HDAC9: variants seen among roughly 807,000 people sequenced by gnomAD.
The protein encoded by HDAC9 is histone deacetylase 9.
Under a neutral mutation model 139.4 loss-of-function variants are expected in HDAC9, and 41 were observed. The ratio of observed to expected loss-of-function variants is 0.29; its 90% CI spans 0.23 to 0.38. HDAC9 has a LOEUF of 0.38. HDAC9 is among the 10% of genes least tolerant of loss of function. HDAC9 has a pLI of 1.00. For synonymous variants in HDAC9, 517 were observed against 476.2 expected, an observed-to-expected ratio of 1.09 and a Z score of -1.12; for missense variants, 1,147 against 1,297.0, an observed-to-expected ratio of 0.88 and a Z score of 1.78.
intron 12 of HDAC9, among the ~76,000 whole-genome samples, chr7:18,672,484 T>A (rs1795728277): frequency 6.6e-6 from 1 of 152,028 alleles, no homozygotes; most frequent in African/African-American, 2.4e-5. Flanking sequence ...GTTGCAAATA[T>A]TTTCTCCTAT....
At chr7:18,592,305 C>G (rs1432274022) in intron 5 of HDAC9, among the ~76,000 whole-genome samples, 2 of 152,030 alleles carry the variant, frequency 1.3e-5, no homozygotes, top group African/African-American at 4.8e-5. Flanking sequence ...CACAACCTGA[C>G]AACATAATAC....
chr7:18,366,281 G>C (rs2081968896), intron 1 of HDAC9, among the ~76,000 whole-genome samples: 1 of 152,126 alleles, frequency 6.6e-6, no homozygotes, highest in Non-Finnish European at 1.5e-5. Context: ...TGGAGGTTCT[G>C]TCACAAACAG....
chr7:18,165,014 A>G (rs924522347), intron 2 of HDAC9, among the ~76,000 whole-genome samples: 5 of 152,214 alleles, frequency 3.3e-5, no homozygotes, highest in African/African-American at 1.2e-4. Context: ...CTTTCATGGG[A>G]GAGACAAATA....
intron 2 of HDAC9, among the ~76,000 whole-genome samples, chr7:18,284,652 T>C (rs1797320504): frequency 6.6e-6 from 1 of 152,172 alleles, no homozygotes; most frequent in Non-Finnish European, 1.5e-5. Flanking sequence ...TATCTAATCT[T>C]TGGGTAAATT....
intron 1 of HDAC9, among the ~76,000 whole-genome samples, chr7:18,299,303 T>C (rs533748392): frequency 9.2e-5 from 14 of 152,022 alleles, no homozygotes; most frequent in African/African-American, 2.7e-4. Context: ...AAAGTTCTGA[T>C]AATTCCAACG....
At chr7:18,436,758 G>A (rs1319695819) in intron 1 of HDAC9, among the ~76,000 whole-genome samples, 1 of 152,142 alleles carries the variant, frequency 6.6e-6, no homozygotes, top group African/African-American at 2.4e-5. Context: ...TTAGCAGTAG[G>A]CAGATAATGA....
chr7:18,166,887 C>T (rs891055765), intron 2 of HDAC9, among the ~76,000 whole-genome samples: 2 of 151,956 alleles, frequency 1.3e-5, no homozygotes, highest in African/African-American at 4.8e-5. Flanking sequence ...TAGTGTGTTA[C>T]CAAAAAAATG....
At chr7:18,937,084 G>T (rs1282056665) in intron 23 of HDAC9, among the ~76,000 whole-genome samples, 1 of 133,542 alleles carries the variant, frequency 7.5e-6, no homozygotes, top group Non-Finnish European at 1.6e-5. Context: ...CTGTCGCCCA[G>T]GCTGGAGTGC....
intron 1 of HDAC9, among the ~76,000 whole-genome samples, chr7:18,134,148 G>C (rs576237397): frequency 6.6e-6 from 1 of 152,026 alleles, no homozygotes; most frequent in African/African-American, 2.4e-5. Flanking sequence ...TGGCACCATA[G>C]TGTTCTCAGC....
intron 12 of HDAC9, among the ~76,000 whole-genome samples, chr7:18,715,260 G>A (rs116184211): frequency 0.014 from 2,169 of 150,828 alleles, 60 homozygotes; most frequent in African/African-American, 0.049. Flanking sequence ...TTTTTAAAGC[G>A]GATACTTCTG....
Position 18,935,896 on chromosome 7 carries a change from T to A in HDAC9, c.2891T>A (p.Ile964Asn). ...GAAGGAGGACATGATCTCACAGCCA[T>A]CTGTGATGCATCAGAAGCCTGTGTA... The part of the protein sequence containing the change: ...ALEGGHDLTA[I>N]CDASEACVNA... The change falls in exon 23 of 26, where the codon ATC becomes AAC. Residue 964 changes from isoleucine (I) to asparagine (N), a missense_variant. This residue lies in a region of HDAC9 where 407 missense variants were observed against 521.5 expected (regional missense o/e 0.78). Transcript: ENST00000686413. The A allele has an allele frequency of 6.2e-7, 1 of 1,613,610 alleles. No homozygotes were observed. Among genetic ancestry groups the A allele is most frequent in the Non-Finnish European group, 8.5e-7 (1 of 1,179,588 alleles).
rs1190611465 is a variant in HDAC9, at chr7:18,634,722, C to T, written c.892C>T (p.Pro298Ser). Residue 298 changes from proline to serine, a missense_variant, in exon 8 of 26, where the codon CCC becomes TCC. By Grantham distance (74) the Pro-to-Ser change is moderately conservative (BLOSUM62 -1). Coordinates refer to ENST00000686413, the MANE Select transcript of HDAC9 (RefSeq NM_178425.4). ...SVTENETSVL[P>S]PTPHAEQMVS... ...TACTGAAAATGAGACTTCGGTTTTGCCCCCTACCCCTCATGCCGAGGTAAG... is the reference window on the plus strand; with the variant it reads ...TACTGAAAATGAGACTTCGGTTTTGTCCCCTACCCCTCATGCCGAGGTAAG... 1.3e-6 allele frequency: 2 copies of T among 1,593,812 alleles called. No homozygotes were observed. Among genetic ancestry groups the T allele is most frequent in the Admixed American group, 1.7e-5 (1 of 57,932 alleles).
chr7:18,437,944 T>TAC (rs574736728), intron 1 of HDAC9, among the ~76,000 whole-genome samples: 5,906 of 148,676 alleles, frequency 0.04, 137 homozygotes, highest in African/African-American at 0.044. Context: ...TATATAACGT[T>TAC]ACACACACAC....
intron 7 of HDAC9, among the ~76,000 whole-genome samples, chr7:18,630,447 A>G (rs747484876): frequency 6.6e-6 from 1 of 152,078 alleles, no homozygotes; most frequent in Non-Finnish European, 1.5e-5. Context: ...CAGGAAGGCA[A>G]TATAGAGGAA....
chr7:18,724,933 G>C (rs913191055), intron 12 of HDAC9, among the ~76,000 whole-genome samples: 2 of 152,184 alleles, frequency 1.3e-5, no homozygotes, highest in African/African-American at 4.8e-5. Context: ...GAATGTAACA[G>C]AAGGGGAAAG....
At chr7:18,355,925 T>A (rs972564381) in intron 1 of HDAC9, among the ~76,000 whole-genome samples, 2 of 152,134 alleles carry the variant, frequency 1.3e-5, no homozygotes, top group Admixed American at 1.3e-4. Context: ...AATGGGTGGG[T>A]ATTAGCCATA....
chr7:18,842,041 G>C (rs907396520), intron 21 of HDAC9, among the ~76,000 whole-genome samples: 1 of 152,030 alleles, frequency 6.6e-6, no homozygotes, highest in East Asian at 1.9e-4. Context: ...TGAACATTTA[G>C]ATTTAACTTT....
chr7:18,663,671 A>C lies in HDAC9; in HGVS notation c.1468-2542A>C, dbSNP rs139397723. Among the ~76,000 whole-genome samples, 288 of 152,222 alleles carry C rather than the reference A, an allele frequency of 1.9e-3. 1 individual carries two copies. Among genetic ancestry groups the C allele is most frequent in the African/African-American group, 6.8e-3 (281 of 41,544 alleles). ...TTAGTGTCATTGGTCCACTAGCTCT[A>C]CTGAGCAGGTTCCCAGTAACTTTTC... On this transcript the variant is annotated intron_variant, in intron 11 of 25. Coordinates refer to ENST00000686413, the MANE Select transcript of HDAC9 (RefSeq NM_178425.4).
rs142991270 is a variant in HDAC9, at chr7:18,834,167, T to A, written c.2467-1300T>A. On this transcript the variant is annotated intron_variant, in intron 19 of 25. Coordinates refer to ENST00000686413, the MANE Select transcript of HDAC9 (RefSeq NM_178425.4). ...GTGCCTGACTTAAAAATTGTAGAAA[T>A]CATTGTTGAAAATAGCATGATTCTA... Among the ~76,000 whole-genome samples the A allele has an allele frequency of 6.8e-4, 104 of 152,308 alleles. 1 individual carries two copies. The highest frequency in any genetic ancestry group is 2.4e-3 in the African/African-American group (100 of 41,570).
Sources: gnomAD v4.1 joint callset for allele counts (sites outside exome capture counted in the v4.1 genomes callset) on GRCh38, gnomAD v4.1.1 for gene constraint, gnomAD v4.1.1 regional missense constraint, MANE v1.5 for transcripts, NCBI Gene and HGNC (gene_info 2026-07-23, HGNC 2026-07-21) for gene names.